CEP250: variants seen among roughly 807,000 people sequenced by gnomAD.
CEP250 encodes centrosome-associated protein CEP250.
A neutral mutation model predicts 315.7 loss-of-function variants in CEP250; 242 were observed. That is an observed-to-expected ratio of 0.77 (90% CI 0.69 to 0.85). The LOEUF is 0.85. Ranked by LOEUF, CEP250 falls within the 40% of genes least tolerant of loss-of-function variation. The pLI, the probability that CEP250 is intolerant of heterozygous loss-of-function variation, is 0.00. For synonymous variants in CEP250, 1,088 were observed against 1,175.0 expected (o/e 0.93, Z 1.51); for missense variants, 2,515 against 2,886.4 (o/e 0.87, Z 2.95).
At position 35,478,099 on chromosome 20, in the gene CEP250, G is replaced by A. The variant is rs923347900; in HGVS notation, c.2092G>A (p.Glu698Lys). Reference sequence around the variant, plus strand: ...GGAAGAAATTCAAAAGAAACTAAGTGAGGTGAGAAGCCAAAATGGACACCA... The same window carrying A: ...GGAAGAAATTCAAAAGAAACTAAGTAAGGTGAGAAGCCAAAATGGACACCA... ...EKEEIQKKLS[E>K]SRHQQEAATT... The change falls in exon 17 of 35, where the codon GAG becomes AAG. Residue 698 changes from glutamate (E) to lysine (K), a missense_variant and splice_region_variant. Physicochemically the swap from Glu to Lys is moderately conservative, Grantham distance 56. Coordinates refer to ENST00000397527, the MANE Select transcript of CEP250 (RefSeq NM_007186.6). The A allele has an allele frequency of 8.1e-6, 13 of 1,608,632 alleles. No individual in the cohort carries two copies. The highest frequency in any genetic ancestry group is 8.5e-6 in the Non-Finnish European group (10 of 1,175,612).
chr20:35,485,705 C>A (rs2063492535), intron 20 of CEP250, among the ~76,000 whole-genome samples: 1 of 117,886 alleles, frequency 8.5e-6, no homozygotes, highest in Non-Finnish European at 1.6e-5. Context: ...GTCACTCAGG[C>A]TACAGTGCAA....
In CEP250 at chr20:35,462,554, G is replaced by C; in HGVS notation, c.186+1G>C. ...CCTTGTGAGGAAGCTGCAGGCCAAG[G>C]TGAGGCAGCTGCCCTTTTGGGGAGG... On this transcript the variant is annotated splice_donor_variant, in intron 4 of 34. Transcript: ENST00000397527. LOFTEE classifies it high-confidence loss of function. 1 of 1,595,988 alleles carries C rather than the reference G, an allele frequency of 6.3e-7. No homozygotes were observed. Among genetic ancestry groups the C allele is most frequent in the Non-Finnish European group, 8.5e-7 (1 of 1,170,824 alleles).
chr20:35,504,796 T>C lies in CEP250; in HGVS notation c.6427T>C (p.Ser2143Pro). 4 of 1,614,110 alleles carry C rather than the reference T, an allele frequency of 2.5e-6. No individual in the cohort carries two copies. The South Asian group carries it at 4.4e-5, about 18-fold the overall frequency. ...PMEEQSLKLD[S>P]LEPRLQRELE... ...GGAGGAACAATCTCTAAAACTTGAT[T>C]CTTTAGAGCCCAGGCTGCAGCGGGA... The change falls in exon 30 of 35, where the codon TCT becomes CCT. Residue 2143 changes from serine (S) to proline (P), a missense_variant. Ser to Pro is a moderately conservative substitution (Grantham distance 74). Transcript: ENST00000397527.
Position 35,502,503 on chromosome 20 carries a change from A to G in CEP250, c.4134A>G (p.Glu1378=). ...AGGCAAGTGCTGCTGGCATCCTGGAAGAAGACCTGAGAACGGCTCGCTCAG... is the reference window on the plus strand; with the variant it reads ...AGGCAAGTGCTGCTGGCATCCTGGAGGAAGACCTGAGAACGGCTCGCTCAG... ...RAQASAAGIL[E]EDLRTARSAL... is the part of the protein sequence containing the mutation. Residue 1378 remains glutamate, a synonymous_variant, in exon 30 of 35, where the codon GAA becomes GAG. Transcript: ENST00000397527. 6.2e-7 allele frequency: 1 copy of G among 1,614,210 alleles called. No homozygotes were observed. Among genetic ancestry groups the G allele is most frequent in the Non-Finnish European group, 8.5e-7 (1 of 1,180,020 alleles).
chr20:35,477,295 C>G (rs946773783), intron 16 of CEP250, among the ~76,000 whole-genome samples: 1 of 152,184 alleles, frequency 6.6e-6, no homozygotes, highest in Non-Finnish European at 1.5e-5. Flanking sequence ...CAGGCGTGAG[C>G]CACCACACTT....
Position 35,462,333 on chromosome 20 carries a change from C to A in CEP250, c.-35C>A, listed in dbSNP as rs566286053. 3.9e-6 allele frequency: 6 copies of A among 1,535,868 alleles called. No individual in the cohort carries two copies. On this transcript the variant is annotated 5_prime_UTR_variant, in exon 4 of 35. Transcript: ENST00000397527. ...GCTGGGCGTGAACACCCTCTGGCTA[C>A]CTAGGGACCTGTGGGCCTACCACCT...
intron 11 of CEP250, among the ~76,000 whole-genome samples, 186 bp from the exon 12 acceptor site, chr20:35,472,487 A>G (rs2063049669): frequency 6.6e-6 from 1 of 152,060 alleles, no homozygotes; most frequent in Non-Finnish European, 1.5e-5. Context: ...TTAGTCCTAG[A>G]CTTGGGTGAC....
Position 35,510,058 on chromosome 20 carries a change from T to C in CEP250, c.7065+4T>C, listed in dbSNP as rs2064311388. ...TGTGGCTGAACTGCAGAAAGAGGTA[T>C]GTTCTGGATTTTCTAAGCCCATATT... On this transcript the variant is annotated splice_donor_region_variant and intron_variant, in intron 34 of 34. Transcript: ENST00000397527. The C allele has an allele frequency of 3.7e-6, 6 of 1,612,940 alleles. No homozygotes were observed. Among genetic ancestry groups the C allele is most frequent in the Non-Finnish European group, 4.2e-6 (5 of 1,178,912 alleles).
At chr20:35,494,406 A>C (rs1032504561) in intron 23 of CEP250, 118 bp from the exon 24 acceptor site, 7 of 1,320,934 alleles carry the variant, frequency 5.3e-6, no homozygotes, top group Non-Finnish European at 6.3e-6. Flanking sequence ...TCGCCAGAGC[A>C]TTGGAAATGG....
chr20:35,476,820 G>A, intron 16 of CEP250: 1 of 435,342 alleles, frequency 2.3e-6, no homozygotes, highest in Admixed American at 3.7e-5. Flanking sequence ...TTGGGAAGGG[G>A]CCCATGTCCT....
intron 20 of CEP250, among the ~76,000 whole-genome samples, chr20:35,489,416 C>T (rs1011701730): frequency 6.6e-6 from 1 of 152,208 alleles, no homozygotes; most frequent in Non-Finnish European, 1.5e-5. Context: ...GTGTATTGCC[C>T]GCTTTCTGTG....
In CEP250 at chr20:35,498,538, C is replaced by CA. The variant is rs1280227422; in HGVS notation, c.3656-57_3656-56insA. 2.5e-6 allele frequency: 4 copies of CA among 1,594,058 alleles called. No homozygotes were observed. In the African/African-American group the frequency reaches 5.4e-5, roughly 22 times the overall value. ...AGGACAGGGCTGTGTCTGGAGAGGT[C>CA]TGGCTGTTTCTTTTCATAGTGGCAG... On this transcript the variant is annotated intron_variant, in intron 26 of 34. Transcript: ENST00000397527.
At chr20:35,484,343 T>A (rs2063444943) in intron 20 of CEP250, among the ~76,000 whole-genome samples, 1 of 152,220 alleles carries the variant, frequency 6.6e-6, no homozygotes, top group South Asian at 2.1e-4. Context: ...TAAAGTAAAT[T>A]TTCTGTTTAA....
At chr20:35,508,263 A>G (rs2064251728) in intron 32 of CEP250, 73 bp downstream of exon 32, 1 of 1,510,092 alleles carries the variant, frequency 6.6e-7, no homozygotes, top group Non-Finnish European at 9.0e-7. Context: ...GGCTCAGTAA[A>G]TTACAGCCTG....
At chr20:35,511,308 A>T (rs1177792140) in intron 34 of CEP250, 55 bp from the exon 35 acceptor site, 12 of 1,464,364 alleles carry the variant, frequency 8.2e-6, no homozygotes, top group Non-Finnish European at 1.0e-5. Flanking sequence ...AAGAGCTGGG[A>T]CAACTTCAGG....
rs2063056680 is a variant in CEP250 at position 35,472,755 on chromosome 20, A to C, written c.1133A>C (p.Gln378Pro). 2 of 1,613,970 alleles carry C rather than the reference A, an allele frequency of 1.2e-6. No homozygotes were observed. ...GAATTGGACTCTAGTATCTTCTCCC[A>C]GTTTGATTACCAGGATGCAGACAAG... ...SLELDSSIFS[Q>P]FDYQDADKAL... The change falls in exon 12 of 35, where the codon CAG becomes CCG. Residue 378 changes from glutamine (Q) to proline (P), a missense_variant. By Grantham distance (76) the Gln-to-Pro change is moderately conservative. Transcript: ENST00000397527.
rs980562070 is a variant in CEP250, at chr20:35,514,460, A to C, written c.*2834A>C. On this transcript the variant is annotated 3_prime_UTR_variant, in exon 35 of 35. Coordinates refer to ENST00000397527, the MANE Select transcript of CEP250 (RefSeq NM_007186.6). ...AGCAGGAGGGGACAAGAGTCGTCAG[A>C]GGCTGGGCAATGTTCTTGTTTCCGG... 2.0e-5 allele frequency: 3 copies of C among 152,400 alleles called. No homozygotes were observed. The highest frequency in any genetic ancestry group is 7.2e-5 in the African/African-American group (3 of 41,466). 9.4% of individuals were successfully genotyped at this position (152,400 alleles called of 1,614,324 possible).
chr20:35,471,970 CTTT>C, intron 10 of CEP250, 77 bp from the exon 11 acceptor site: 1 of 833,896 alleles, frequency 1.2e-6, no homozygotes, highest in Non-Finnish European at 2.1e-6. Flanking sequence ...CAGAATGAGA[CTTT>C]GGTTGTTTGG....
At chr20:35,485,644 G>GTTTTT (rs2063487971) in intron 20 of CEP250, among the ~76,000 whole-genome samples, 1 of 49,686 alleles carries the variant, frequency 2.0e-5, no homozygotes, top group Non-Finnish European at 5.1e-5. Context: ...CGTCTGCCTG[G>GTTTTT]CTTTTTTTTT....
Sources: allele counts gnomAD v4.1 joint callset (sites outside exome capture counted in the v4.1 genomes callset), GRCh38; gene constraint gnomAD v4.1.1; transcripts MANE v1.5; gene names NCBI Gene and HGNC (gene_info 2026-07-23, HGNC 2026-07-21).